MGAT4A: variants seen among roughly 807,000 people sequenced by gnomAD.
MGAT4A encodes the protein N-acetylglucosaminyltransferase IVa.
A neutral mutation model predicts 74.1 loss-of-function variants in MGAT4A; 33 were observed. That is an observed-to-expected ratio of 0.45 (90% CI 0.34 to 0.60). MGAT4A has a LOEUF of 0.60. Ranked by LOEUF, MGAT4A falls within the 20% of genes least tolerant of loss-of-function variation. The pLI, the probability that MGAT4A is intolerant of heterozygous loss-of-function variation, is 0.02. For missense variants in MGAT4A, 479 were observed against 628.3 expected (o/e 0.76, Z 2.54); for synonymous variants, 198 against 210.4 (o/e 0.94, Z 0.51).
chr2:98,668,671 T>C (rs546328430), intron 4 of MGAT4A, among the ~76,000 whole-genome samples: 6 of 152,292 alleles, frequency 3.9e-5, no homozygotes, highest in Admixed American at 3.9e-4. Context: ...GATCCACTCA[T>C]GGCTTTTACC....
intron 2 of MGAT4A, among the ~76,000 whole-genome samples, chr2:98,709,306 C>A (rs1702482133): frequency 6.6e-6 from 1 of 152,058 alleles, no homozygotes; most frequent in South Asian, 2.1e-4. Context: ...CACCATACAG[C>A]AATAATGGAG....
At chr2:98,687,095 T>C (rs2104298730) in intron 2 of MGAT4A, among the ~76,000 whole-genome samples, 2 of 152,334 alleles carry the variant, frequency 1.3e-5, no homozygotes, top group South Asian at 4.1e-4. Flanking sequence ...CTATTTTCCT[T>C]AAGTACTTTA....
chr2:98,630,466 G>A (rs1427277101), intron 14 of MGAT4A, among the ~76,000 whole-genome samples: 2 of 152,048 alleles, frequency 1.3e-5, no homozygotes, highest in African/African-American at 2.4e-5. Context: ...GAGAAGAGAA[G>A]CTATTAGGGT....
At chr2:98,692,477 G>A (rs1487646547) in intron 2 of MGAT4A, among the ~76,000 whole-genome samples, 3 of 151,982 alleles carry the variant, frequency 2.0e-5, no homozygotes, top group African/African-American at 7.3e-5. Context: ...ATTTGTGAAG[G>A]CTATGGCAGT....
intron 3 of MGAT4A, among the ~76,000 whole-genome samples, chr2:98,675,842 T>C (rs1701971385): frequency 6.6e-6 from 1 of 152,230 alleles, no homozygotes; most frequent in African/African-American, 2.4e-5. Context: ...GCATGAGCTA[T>C]CATGCTCAAC....
At chr2:98,718,606 C>T (rs1383674224) in intron 2 of MGAT4A, among the ~76,000 whole-genome samples, 2 of 152,232 alleles carry the variant, frequency 1.3e-5, no homozygotes, top group East Asian at 1.9e-4. Flanking sequence ...GCTCCCTTTG[C>T]TCTCCAGCTC....
intron 2 of MGAT4A, among the ~76,000 whole-genome samples, chr2:98,679,779 T>C (rs549634209): frequency 1.3e-5 from 2 of 152,212 alleles, no homozygotes; most frequent in African/African-American, 4.8e-5. Context: ...AACGTAGGCA[T>C]TGAAACAATG....
At chr2:98,711,137 C>G (rs1266962052) in intron 2 of MGAT4A, among the ~76,000 whole-genome samples, 1 of 151,656 alleles carries the variant, frequency 6.6e-6, no homozygotes, top group Admixed American at 6.6e-5. Flanking sequence ...TCTACTAAGT[C>G]GATATAATGA....
At position 98,726,446 on chromosome 2, in the gene MGAT4A, A is replaced by C. The variant is rs780483796; in HGVS notation, c.-114T>G. ...TACTCCTGGCTCTAGGCCAATAAAAATCAATAAGAGAGGTTCATTTCAGAT... is the reference window on the plus strand; with the variant it reads ...TACTCCTGGCTCTAGGCCAATAAAACTCAATAAGAGAGGTTCATTTCAGAT... On this transcript the variant is annotated 5_prime_UTR_variant, in exon 2 of 16. Transcript: ENST00000393487. The C allele has an allele frequency of 2.7e-6, 2 of 742,876 alleles. No individual in the cohort carries two copies. The highest frequency in any genetic ancestry group is 2.7e-5 in the Admixed American group (1 of 37,218). The allele number at this position is 742,876 out of a possible 1,614,324, so 46.0% of individuals were successfully genotyped here.
chr2:98,708,100 A>G (rs989149825), intron 2 of MGAT4A, among the ~76,000 whole-genome samples: 3 of 151,830 alleles, frequency 2.0e-5, no homozygotes, highest in Non-Finnish European at 2.9e-5. Context: ...ATCCTCCCCT[A>G]TGATGCAGTC....
At position 98,678,249 on chromosome 2, in the gene MGAT4A, A is replaced by AAT. The variant is rs1553538281; in HGVS notation, c.262+53_262+54dup. 7.5e-3 allele frequency: 1,972 copies of AAT among 261,816 alleles called. 18 individuals are homozygous for AAT. Among genetic ancestry groups the AAT allele is most frequent in the African/African-American group, 0.024 (835 of 34,770 alleles). 16.2% of individuals were successfully genotyped at this position (261,816 alleles called of 1,614,324 possible). ...TGTCTCAAAGAAAAAAAAAAAAAAA[A>AAT]ATATATATATATATATATAAAATCT... On this transcript the variant is annotated intron_variant, in intron 3 of 15. Transcript: ENST00000393487.
intron 10 of MGAT4A, 57 bp from the exon 11 acceptor site, chr2:98,640,285 A>G: frequency 3.6e-6 from 5 of 1,402,654 alleles, no homozygotes; most frequent in Non-Finnish European, 5.0e-6. Context: ...TCTTGCCCTC[A>G]CCTGGAAAAT....
intron 14 of MGAT4A, among the ~76,000 whole-genome samples, chr2:98,627,635 C>T (rs1197115203): frequency 6.6e-6 from 1 of 152,216 alleles, no homozygotes; most frequent in African/African-American, 2.4e-5. Context: ...CTCGGCCTCC[C>T]AAAGTGCTGG....
At chr2:98,720,819 ACAC>A (rs1702658617) in intron 2 of MGAT4A, among the ~76,000 whole-genome samples, 1 of 152,230 alleles carries the variant, frequency 6.6e-6, no homozygotes, top group Non-Finnish European at 1.5e-5. Context: ...ACCAATAAGC[ACAC>A]CACCACATGT....
In MGAT4A at chr2:98,624,849, T is replaced by C. The variant is rs1242885097; in HGVS notation, c.*717A>G. Reference sequence around the variant, plus strand: ...TAACCCTCAGGAAGGACATTAGTCTTTAAAATCTTGGCTTTAAGGAATGAC... The same window carrying C: ...TAACCCTCAGGAAGGACATTAGTCTCTAAAATCTTGGCTTTAAGGAATGAC... On this transcript the variant is annotated 3_prime_UTR_variant, in exon 16 of 16. Coordinates refer to ENST00000393487, the MANE Select transcript of MGAT4A (RefSeq NM_012214.3). 1.0e-5 allele frequency: 10 copies of C among 985,476 alleles called. No individual in the cohort carries two copies. Among genetic ancestry groups the C allele is most frequent in the Non-Finnish European group, 1.2e-5 (10 of 829,658 alleles). 61.0% of individuals were successfully genotyped at this position (985,476 alleles called of 1,614,324 possible).
At chr2:98,717,116 A>AC (rs1244728506) in intron 2 of MGAT4A, among the ~76,000 whole-genome samples, 1 of 152,156 alleles carries the variant, frequency 6.6e-6, no homozygotes, top group African/African-American at 2.4e-5. Context: ...ATGGTGGCTC[A>AC]CACCTGTAAT....
chr2:98,730,558 C>G (rs556312080), intron 1 of MGAT4A, among the ~76,000 whole-genome samples: 1 of 152,062 alleles, frequency 6.6e-6, no homozygotes, highest in South Asian at 2.1e-4. Flanking sequence ...ACCTGCCCCG[C>G]GGCCCCCGCG....
intron 2 of MGAT4A, among the ~76,000 whole-genome samples, chr2:98,717,919 C>T (rs1382398647): frequency 6.6e-6 from 1 of 152,214 alleles, no homozygotes; most frequent in Non-Finnish European, 1.5e-5. Context: ...AAGTCCTAGA[C>T]TTAGTATTAA....
At chr2:98,720,612 A>C (rs2104334864) in intron 2 of MGAT4A, among the ~76,000 whole-genome samples, 1 of 132,202 alleles carries the variant, frequency 7.6e-6, no homozygotes, top group African/African-American at 3.0e-5. Flanking sequence ...GTGTGCGTGC[A>C]CATGTGTTTG....
Sources: allele counts gnomAD v4.1 joint callset (sites outside exome capture counted in the v4.1 genomes callset), GRCh38; gene constraint gnomAD v4.1.1; transcripts MANE v1.5; gene names NCBI Gene and HGNC (gene_info 2026-07-23, HGNC 2026-07-21).